ADAMTS13: variants seen among roughly 807,000 people sequenced by gnomAD.
ADAMTS13 encodes ADAM metallopeptidase with thrombospondin type 1 motif 13.
A neutral mutation model predicts 155.1 loss-of-function variants in ADAMTS13; 110 were observed. The observed-to-expected ratio is 0.71, with a 90% CI of 0.61 to 0.83. ADAMTS13 has a LOEUF of 0.83. Ranked by LOEUF, ADAMTS13 falls within the 40% of genes least tolerant of loss-of-function variation. The pLI, the probability that ADAMTS13 is intolerant of heterozygous loss-of-function variation, is 0.00. For missense variants in ADAMTS13, 1,707 were observed against 1,891.7 expected (o/e 0.90, Z 1.81); for synonymous variants, 758 against 756.4 (o/e 1.00, Z -0.03).
At chr9:133,452,054 C>T (rs2130925528) in intron 23 of ADAMTS13, among the ~76,000 whole-genome samples, 1 of 151,292 alleles carries the variant, frequency 6.6e-6, no homozygotes, top group Non-Finnish European at 1.5e-5. Context: ...CTCCAGGTGG[C>T]TCCTTGGTGG....
intron 28 of ADAMTS13, 59 bp from the exon 29 acceptor site, chr9:133,458,915 T>G: frequency 6.7e-7 from 1 of 1,495,314 alleles, no homozygotes; most frequent in Admixed American, 1.8e-5. Flanking sequence ...CACGAAGGCT[T>G]CCGTGAGTGC....
In ADAMTS13 at chr9:133,428,618, C is replaced by T; in HGVS notation, c.687-16C>T. 1 of 1,290,752 alleles carries T rather than the reference C, an allele frequency of 7.7e-7. No homozygotes were observed. 80.0% of individuals were successfully genotyped at this position (1,290,752 alleles called of 1,614,324 possible). A position where few individuals can be genotyped will look rare whatever the true frequency, so the allele number is the denominator to read the frequency against. ...CCTGCCGGCCGCCTTAGCGCAACTCCCCGCCCCCCGACCAGCTTCGGCCTG... is the reference window on the plus strand; with the variant it reads ...CCTGCCGGCCGCCTTAGCGCAACTCTCCGCCCCCCGACCAGCTTCGGCCTG... On this transcript the variant is annotated splice_polypyrimidine_tract_variant and intron_variant, in intron 6 of 28. Transcript: ENST00000355699.
Position 133,428,627 on chromosome 9 carries a change from C to A in ADAMTS13, c.687-7C>A. The A allele has an allele frequency of 1.5e-6, 2 of 1,315,394 alleles. No individual in the cohort carries two copies. Among genetic ancestry groups the A allele is most frequent in the Admixed American group, 3.1e-5 (1 of 32,226 alleles). The allele number at this position is 1,315,394 out of a possible 1,614,324, so 81.5% of individuals were successfully genotyped here. A position where few individuals can be genotyped will look rare whatever the true frequency, so the allele number is the denominator to read the frequency against. Reference sequence around the variant, plus strand: ...CGCCTTAGCGCAACTCCCCGCCCCCCGACCAGCTTCGGCCTGGAGCACGAC... The same window carrying A: ...CGCCTTAGCGCAACTCCCCGCCCCCAGACCAGCTTCGGCCTGGAGCACGAC... On this transcript the variant is annotated splice_polypyrimidine_tract_variant and splice_region_variant and intron_variant, in intron 6 of 28. Transcript: ENST00000355699.
At chr9:133,416,222 AAAC>A (rs902112240) in intron 1 of ADAMTS13, among the ~76,000 whole-genome samples, 3 of 152,136 alleles carry the variant, frequency 2.0e-5, no homozygotes, top group African/African-American at 7.2e-5. Flanking sequence ...GGCTCTTTTT[AAAC>A]AACCAGCTCT....
At position 133,456,245 on chromosome 9, in the gene ADAMTS13, C is replaced by A; in HGVS notation, c.3547+30C>A. The A allele has an allele frequency of 6.2e-7, 1 of 1,613,100 alleles. No individual in the cohort carries two copies. Among genetic ancestry groups the A allele is most frequent in the South Asian group, 1.1e-5 (1 of 91,076 alleles). On this transcript the variant is annotated intron_variant, in intron 26 of 28. Coordinates refer to ENST00000355699, the MANE Select transcript of ADAMTS13 (RefSeq NM_139027.6). This position sits in a 1 kb window ranked among gnomAD's most constrained non-coding sequence, Gnocchi z 4.4. ...GTCTAGGGCCATGCAAGCGATGCTG[C>A]CAGTTATGGGCCCTGCCAGGAGCCA...
chr9:133,428,813 A>C (rs1840477554), intron 7 of ADAMTS13, 42 bp downstream of exon 7: 4 of 1,251,204 alleles, frequency 3.2e-6, no homozygotes. Context: ...GCCTCCAGCC[A>C]GCCCGCTGGG....
intron 23 of ADAMTS13, among the ~76,000 whole-genome samples, chr9:133,453,802 G>C (rs904970560): frequency 6.6e-6 from 1 of 152,202 alleles, no homozygotes; most frequent in Non-Finnish European, 1.5e-5. Flanking sequence ...GGTGGGGTCT[G>C]GTTTGGTTCA....
intron 7 of ADAMTS13, 63 bp from the exon 8 acceptor site, chr9:133,429,876 G>A (rs1029520931): frequency 7.8e-6 from 12 of 1,531,918 alleles, no homozygotes; most frequent in African/African-American, 2.7e-5. Context: ...CCACTCCTCC[G>A]TCCCGCCTCC....
chr9:133,448,848 G>A, intron 22 of ADAMTS13, 120 bp downstream of exon 22: 6 of 1,464,466 alleles, frequency 4.1e-6, no homozygotes, highest in Non-Finnish European at 5.5e-6. Flanking sequence ...TGCACTGTGT[G>A]AGGCTGGACC....
intron 9 of ADAMTS13, 25 bp downstream of exon 9, chr9:133,432,717 G>C: frequency 6.5e-6 from 10 of 1,548,346 alleles, no homozygotes; most frequent in Non-Finnish European, 7.8e-6. Context: ...TGAATGAGTG[G>C]GCTCCTGTGA....
Position 133,459,118 on chromosome 9 carries a change from C to T in ADAMTS13, c.4054C>T (p.Leu1352Phe). The T allele has an allele frequency of 6.2e-7, 1 of 1,612,834 alleles. No individual in the cohort carries two copies. The highest frequency in any genetic ancestry group is 2.2e-5 in the East Asian group (1 of 44,854). ...QASLRGQYWT[L>F]QSWVPEMQDP... ...CAGCCTGCGGGGCCAGTACTGGACC[C>T]TCCAATCATGGGTACCGGAGATGCA... Residue 1352 changes from leucine (L) to phenylalanine (F), a missense_variant, in exon 29 of 29, where the codon CTC becomes TTC. Around this residue, in one of 3 missense-constraint regions of ADAMTS13, gnomAD observed 961 missense variants for 1,107.9 expected, o/e 0.87. Transcript: ENST00000355699.
intron 14 of ADAMTS13, among the ~76,000 whole-genome samples, chr9:133,438,813 C>T (rs1841442617): frequency 6.6e-6 from 1 of 150,514 alleles, no homozygotes; most frequent in Non-Finnish European, 1.5e-5. Context: ...ACTCAGGAGG[C>T]TGAGGCAGGA....
intron 2 of ADAMTS13, among the ~76,000 whole-genome samples, chr9:133,423,928 C>A (rs782797250): frequency 7.9e-5 from 12 of 152,266 alleles, no homozygotes; most frequent in Non-Finnish European, 1.5e-4. Flanking sequence ...ACAGTGAGGG[C>A]TGGCCTGGGC....
chr9:133,433,307 C>T, intron 9 of ADAMTS13, 71 bp from the exon 10 acceptor site: 1 of 1,599,620 alleles, frequency 6.3e-7, no homozygotes, highest in Non-Finnish European at 8.5e-7. Context: ...TTGGGGGACT[C>T]TCTGTGTGTG....
chr9:133,430,693 CTA>C (rs781881034), intron 8 of ADAMTS13, among the ~76,000 whole-genome samples: 40,667 of 138,818 alleles, frequency 0.29, 5,778 homozygotes, highest in Non-Finnish European at 0.38. Context: ...TTTTTTTTTC[CTA>C]TTTTTTTTTT....
In ADAMTS13 at chr9:133,456,504, G is replaced by A. The variant is rs587688826; in HGVS notation, c.3548-39G>A. ...GGAGCCACTCCTCTGCTGACCAGGC[G>A]TGGGAGTGCTGGACCCTCACTGCCC... On this transcript the variant is annotated intron_variant, in intron 26 of 28. Transcript: ENST00000355699. This position sits in a 1 kb window ranked among gnomAD's most constrained non-coding sequence, Gnocchi z 4.4. 252 of 1,607,614 alleles carry A rather than the reference G, an allele frequency of 1.6e-4. 1 individual carries two copies. Among genetic ancestry groups the A allele is most frequent in the South Asian group, 1.1e-3 (95 of 90,002 alleles).
Position 133,425,851 on chromosome 9 carries a change from G to A in ADAMTS13, c.415-87G>A. 1.3e-6 allele frequency: 2 copies of A among 1,583,730 alleles called. No homozygotes were observed. The highest frequency in any genetic ancestry group is 2.3e-5 in the South Asian group (2 of 87,922). The stretch of plus-strand genomic sequence containing the variant: ...CACGGGCTAGTCATAGGGTTGTTAG[G>A]AGGACTAACTGGGAAACAAACCGAC... On this transcript the variant is annotated intron_variant, in intron 4 of 28. Transcript: ENST00000355699. This position sits in a 1 kb window ranked among gnomAD's most constrained non-coding sequence, Gnocchi z 4.6.
intron 18 of ADAMTS13, 103 bp downstream of exon 18, chr9:133,442,846 C>A: frequency 6.8e-7 from 1 of 1,465,506 alleles, no homozygotes; most frequent in East Asian, 2.5e-5. Flanking sequence ...CAGGGCCGGG[C>A]TGAGCTGCTC....
rs1003826559 is a variant in ADAMTS13, at chr9:133,424,207, A to C, written c.173-114A>C. 4.6e-6 allele frequency: 7 copies of C among 1,527,630 alleles called. No homozygotes were observed. The African/African-American group carries it at 9.5e-5, about 21-fold the overall frequency. The allele number at this position is 1,527,630 out of a possible 1,614,324, so 94.6% of individuals were successfully genotyped here. ...GGCTCTTGGGGTGGGGGTGACACGC[A>C]ATGTCTTGACTTCGGAAGGCCATCC... On this transcript the variant is annotated intron_variant, in intron 2 of 28. Coordinates refer to ENST00000355699, the MANE Select transcript of ADAMTS13 (RefSeq NM_139027.6). This position sits in a 1 kb window ranked among gnomAD's most constrained non-coding sequence, Gnocchi z 4.3.
Sources: allele counts gnomAD v4.1 joint callset (sites outside exome capture counted in the v4.1 genomes callset), GRCh38; gene constraint gnomAD v4.1.1; regional missense constraint gnomAD v4.1.1; non-coding constraint Gnocchi (gnomAD v3.1); transcripts MANE v1.5; gene names NCBI Gene and HGNC (gene_info 2026-07-23, HGNC 2026-07-21).